DGCR2: variants seen among roughly 807,000 people sequenced by gnomAD.
DGCR2 encodes DiGeorge syndrome critical region gene 2.
A neutral mutation model predicts 51.6 loss-of-function variants in DGCR2; 24 were observed. That is an observed-to-expected ratio of 0.47 (90% CI 0.34 to 0.65). The LOEUF (loss-of-function observed/expected upper bound fraction) is 0.65. Ranked by LOEUF, DGCR2 falls within the 30% of genes least tolerant of loss-of-function variation. DGCR2 has a pLI of 0.01. For missense variants in DGCR2, 765 were observed against 772.1 expected (o/e 0.99, Z 0.11); for synonymous variants, 340 against 315.4 (o/e 1.08, Z -0.82).
chr22:19,092,456 T>A (rs1436681580), intron 1 of DGCR2, among the ~76,000 whole-genome samples: 2 of 152,218 alleles, frequency 1.3e-5, no homozygotes, highest in African/African-American at 4.8e-5. Context: ...AAAAACTTTA[T>A]GTCAATAAAT....
chr22:19,072,049 A>T (rs2082821672), intron 2 of DGCR2, among the ~76,000 whole-genome samples: 2 of 152,134 alleles, frequency 1.3e-5, no homozygotes, highest in African/African-American at 2.4e-5. Flanking sequence ...AGGTGGGCGC[A>T]GGGACAAGGC....
At chr22:19,119,923 G>A (rs2083413588) in intron 1 of DGCR2, among the ~76,000 whole-genome samples, 1 of 151,930 alleles carries the variant, frequency 6.6e-6, no homozygotes, top group Non-Finnish European at 1.5e-5. Context: ...GGCTCTGACT[G>A]ATACCTTCCT....
intron 2 of DGCR2, among the ~76,000 whole-genome samples, chr22:19,080,883 C>A (rs947451611): frequency 6.6e-6 from 1 of 152,146 alleles, no homozygotes; most frequent in African/African-American, 2.4e-5. Context: ...AAGAGTCACC[C>A]AGTGATGGAA....
rs138823671 is a variant in DGCR2, at chr22:19,057,028, C to A, written c.760G>T (p.Ala254Ser). Residue 254 changes from alanine (A) to serine (S), a missense_variant, in exon 6 of 10, where the codon GCC (alanine) becomes TCC (serine). Around this residue, in one of 3 missense-constraint regions of DGCR2, gnomAD observed 190 missense variants for 265.2 expected, o/e 0.72. Transcript: ENST00000263196. The surrounding 1 kb of genome is among the most constrained non-coding windows in gnomAD (Gnocchi z 5.1). ...LRHHDLHSWH[A>S]ESCYEKSSFL... The stretch of plus-strand genomic sequence containing the variant: ...GAAGACTTCTCGTAGCAGCTCTCGG[C>A]GTGCCAGCTGTGGAGGTCGTGGTGC... 7 of 1,595,344 alleles carry A rather than the reference C, an allele frequency of 4.4e-6. No individual in the cohort carries two copies. The highest frequency in any genetic ancestry group is 5.1e-6 in the Non-Finnish European group (6 of 1,170,896).
intron 2 of DGCR2, among the ~76,000 whole-genome samples, chr22:19,084,363 C>A (rs1293296797): frequency 4.6e-5 from 7 of 152,066 alleles, no homozygotes; most frequent in African/African-American, 1.7e-4. Flanking sequence ...GCACCTCTGC[C>A]CGGCCACGAC....
intron 6 of DGCR2, among the ~76,000 whole-genome samples, chr22:19,055,165 C>T (rs2082588167): frequency 6.6e-6 from 1 of 151,890 alleles, no homozygotes; most frequent in South Asian, 2.1e-4. Flanking sequence ...AAACCAAATC[C>T]ACCAATATAA....
intron 2 of DGCR2, among the ~76,000 whole-genome samples, chr22:19,086,123 A>G (rs1287997536): frequency 1.3e-5 from 2 of 152,174 alleles, no homozygotes; most frequent in African/African-American, 4.8e-5. Context: ...CGTATTACAC[A>G]TTCTTTGTAC....
chr22:19,064,797 T>C, intron 4 of DGCR2, 51 bp downstream of exon 4: 3 of 1,540,466 alleles, frequency 1.9e-6, no homozygotes, highest in African/African-American at 1.4e-5. Context: ...ATGTGCTCAG[T>C]AGTCATCAGA....
chr22:19,062,891 G>T (rs1027221943), intron 5 of DGCR2, among the ~76,000 whole-genome samples: 1 of 151,684 alleles, frequency 6.6e-6, no homozygotes, highest in Admixed American at 6.6e-5. Flanking sequence ...AGCCTGCCAG[G>T]GGCACACTCT....
In DGCR2 at chr22:19,057,026, G is replaced by A. The variant is rs372927803; in HGVS notation, c.762C>T (p.Ala254=). 3.7e-5 allele frequency: 59 copies of A among 1,594,822 alleles called. No homozygotes were observed. The African/African-American group carries it at 6.1e-4, about 17-fold the overall frequency. The part of the protein sequence containing the change: ...LRHHDLHSWH[A]ESCYEKSSFL... ...ATGAAGACTTCTCGTAGCAGCTCTC[G>A]GCGTGCCAGCTGTGGAGGTCGTGGT... Residue 254 remains alanine (A), a synonymous_variant, in exon 6 of 10, where the codon GCC becomes GCT. Transcript: ENST00000263196. This position sits in a 1 kb window ranked among gnomAD's most constrained non-coding sequence, Gnocchi z 5.1.
intron 2 of DGCR2, among the ~76,000 whole-genome samples, chr22:19,088,834 T>A (rs2083046206): frequency 6.6e-6 from 1 of 152,194 alleles, no homozygotes; most frequent in African/African-American, 2.4e-5. Context: ...AGAAACCAGG[T>A]GAAGAACCTG....
Position 19,122,405 on chromosome 22 carries a change from C to A in DGCR2, c.-199G>T, listed in dbSNP as rs2083446211. On this transcript the variant is annotated 5_prime_UTR_variant, in exon 1 of 10. Coordinates refer to ENST00000263196, the MANE Select transcript of DGCR2 (RefSeq NM_005137.3). The stretch of plus-strand genomic sequence containing the variant: ...ACCTCAGGCACCGACTCCAGCTGCG[C>A]GCAAGATGGCGGCCGTCCTGCTCGG... The A allele has an allele frequency of 2.4e-6, 1 of 414,618 alleles. No individual in the cohort carries two copies. The allele number at this position is 414,618 out of a possible 1,614,324, so 25.7% of individuals were successfully genotyped here.
At chr22:19,121,148 A>C (rs1000087302) in intron 1 of DGCR2, among the ~76,000 whole-genome samples, 1 of 152,254 alleles carries the variant, frequency 6.6e-6, no homozygotes, top group Non-Finnish European at 1.5e-5. Flanking sequence ...ATCAGAGAAG[A>C]TGGCCCTGGC....
At chr22:19,065,331 G>A (rs998632486) in intron 3 of DGCR2, 5 of 486,176 alleles carry the variant, frequency 1.0e-5, no homozygotes, top group East Asian at 3.9e-5. Flanking sequence ...AGTCAAGAAC[G>A]GCTGCTGAAT....
In DGCR2 at chr22:19,070,302, T is replaced by C. The variant is rs531077086; in HGVS notation, c.203-2077A>G. On this transcript the variant is annotated intron_variant, in intron 2 of 9. Coordinates refer to ENST00000263196, the MANE Select transcript of DGCR2 (RefSeq NM_005137.3). ...GCTGAGAAAGAACAGAGGGGCTTTC[T>C]GGCAGATGGAGCAGCTTTGGCAAAG... Among the ~76,000 whole-genome samples the C allele has an allele frequency of 3.7e-4, 56 of 152,302 alleles. No individual in the cohort carries two copies. The Middle Eastern group carries it at 0.01, about 28-fold the overall frequency.
chr22:19,088,963 G>A (rs1316359352), intron 2 of DGCR2, among the ~76,000 whole-genome samples: 2 of 152,120 alleles, frequency 1.3e-5, no homozygotes, highest in Non-Finnish European at 2.9e-5. Context: ...AGGGGAGGGC[G>A]TGCCAAGGCC....
chr22:19,087,110 G>A (rs1039772966), intron 2 of DGCR2, among the ~76,000 whole-genome samples: 6 of 152,184 alleles, frequency 3.9e-5, no homozygotes, highest in Non-Finnish European at 8.8e-5. Flanking sequence ...GACAAGGGGA[G>A]GCTCCCACTC....
intron 2 of DGCR2, among the ~76,000 whole-genome samples, chr22:19,070,216 G>C (rs1024943611): frequency 6.6e-5 from 10 of 152,186 alleles, no homozygotes; most frequent in African/African-American, 2.4e-4. Flanking sequence ...CACTAGGATG[G>C]GGCATCAGCA....
chr22:19,072,695 A>T (rs1306972476), intron 2 of DGCR2, among the ~76,000 whole-genome samples: 2 of 152,086 alleles, frequency 1.3e-5, no homozygotes, highest in Non-Finnish European at 1.5e-5. Flanking sequence ...CAACATGGTG[A>T]AACCCCGTCT....
Sources: allele counts gnomAD v4.1 joint callset (sites outside exome capture counted in the v4.1 genomes callset), GRCh38; gene constraint gnomAD v4.1.1; regional missense constraint gnomAD v4.1.1; non-coding constraint Gnocchi (gnomAD v3.1); transcripts MANE v1.5; gene names NCBI Gene and HGNC (gene_info 2026-07-23, HGNC 2026-07-21).